The following GPAM variants were observed in gnomAD, a reference collection of about 807,000 sequenced individuals.
GPAM encodes glycerol-3-phosphate acyltransferase, mitochondrial, also known as glycerol-3-phosphate acyltransferase 1, mitochondrial.
In GPAM, 56 loss-of-function variants were observed where a neutral mutation model predicts 105.0. That is an observed-to-expected ratio of 0.53 (90% CI 0.43 to 0.67). GPAM has a LOEUF of 0.67. Ranked by LOEUF, GPAM falls within the 30% of genes least tolerant of loss-of-function variation. The pLI is 0.00. For missense variants in GPAM, 855 were observed against 989.8 expected, an observed-to-expected ratio of 0.86 and a Z score of 1.83; for synonymous variants, 368 against 354.4, an observed-to-expected ratio of 1.04 and a Z score of -0.43.
chr10:112,227,226 C>T, the GPAM span, among the ~76,000 whole-genome samples: 5 of 152,160 alleles, frequency 3.3e-5, no homozygotes, highest in Non-Finnish European at 7.3e-5. Context: ...TCCTGTGGAC[C>T]CTGTCCTGAT....
Position 112,151,771 on chromosome 10 carries a change from T to C in GPAM, c.*1779A>G, listed in dbSNP as rs1720468410. The stretch of plus-strand genomic sequence containing the variant: ...AAAAAGAGACTAGTGAAATGTTTGC[T>C]TCCCCAGATAAGGAACACCCAAGAC... On this transcript the variant is annotated 3_prime_UTR_variant, in exon 22 of 22. Transcript: ENST00000348367. 2.0e-6 allele frequency: 2 copies of C among 984,858 alleles called. No homozygotes were observed. The highest frequency in any genetic ancestry group is 9.4e-5 in the South Asian group (2 of 21,290). 61.0% of individuals were successfully genotyped at this position (984,858 alleles called of 1,614,324 possible). A position where few individuals can be genotyped will look rare whatever the true frequency, so the allele number is the denominator to read the frequency against.
chr10:112,219,647 T>C (rs1848001118), upstream of GPAM, among the ~76,000 whole-genome samples: 3 of 152,376 alleles, frequency 2.0e-5, no homozygotes, highest in Non-Finnish European at 4.4e-5. Flanking sequence ...CTGTCACTTA[T>C]TACATTTTCC....
In GPAM at chr10:112,154,627, A is replaced by C. The variant is rs546061694; in HGVS notation, c.2370+2T>G. 6.3e-7 allele frequency: 1 copy of C among 1,585,580 alleles called. No homozygotes were observed. Among genetic ancestry groups the C allele is most frequent in the Admixed American group, 1.7e-5 (1 of 59,998 alleles). On this transcript the variant is annotated splice_donor_variant, in intron 21 of 21. Coordinates refer to ENST00000348367, the MANE Select transcript of GPAM (RefSeq NM_001244949.2). LOFTEE classifies it high-confidence loss of function. ...TTTATACCATAAATGGTGGACACCT[A>C]CCCCAATATCCTTAAACATTTTCAC...
intron 17 of GPAM, among the ~76,000 whole-genome samples, chr10:112,158,605 G>A (rs1440638533): frequency 6.6e-6 from 1 of 152,076 alleles, no homozygotes; most frequent in Non-Finnish European, 1.5e-5. Flanking sequence ...ACTTAAAGTT[G>A]GCAGAGCACC....
At chr10:112,203,533 G>T (rs956701040) in intron 1 of GPAM, among the ~76,000 whole-genome samples, 16 of 152,070 alleles carry the variant, frequency 1.1e-4, no homozygotes, top group Non-Finnish European at 2.2e-4. Context: ...CTTTTTTCTT[G>T]TCAGTAACAG....
intron 14 of GPAM, among the ~76,000 whole-genome samples, chr10:112,163,172 T>C (rs1265752401): frequency 6.6e-6 from 1 of 152,196 alleles, no homozygotes; most frequent in African/African-American, 2.4e-5. Context: ...CTCACACTCC[T>C]CTCCTCTCTA....
At chr10:112,173,665 G>A (rs1323857408) in intron 7 of GPAM, 34 bp downstream of exon 7, 4 of 1,605,008 alleles carry the variant, frequency 2.5e-6, no homozygotes, top group East Asian at 2.2e-5. Context: ...CAGCATGGCT[G>A]TGATTGAAAG....
intron 1 of GPAM, among the ~76,000 whole-genome samples, chr10:112,197,235 A>G (rs1847734087): frequency 6.6e-6 from 1 of 152,228 alleles, no homozygotes; most frequent in Admixed American, 6.5e-5. Flanking sequence ...TCCCAGAGAT[A>G]AAGTTTCATT....
At chr10:112,174,965 C>A (rs1001803660) in intron 6 of GPAM, among the ~76,000 whole-genome samples, 1 of 152,130 alleles carries the variant, frequency 6.6e-6, no homozygotes, top group Non-Finnish European at 1.5e-5. Flanking sequence ...CTCCCCAAAT[C>A]CAGGTAGATC....
upstream of GPAM, among the ~76,000 whole-genome samples, chr10:112,219,719 C>T (rs1433965554): frequency 1.3e-5 from 2 of 152,110 alleles, no homozygotes; most frequent in African/African-American, 4.8e-5. Context: ...TACATGAAAC[C>T]CCCTTTGCAA....
At chr10:112,226,004 C>T in the GPAM span, among the ~76,000 whole-genome samples, 1 of 152,222 alleles carries the variant, frequency 6.6e-6, no homozygotes, top group African/African-American at 2.4e-5. Context: ...GAGGATCACA[C>T]CATTTTTCCC....
intron 9 of GPAM, among the ~76,000 whole-genome samples, chr10:112,171,294 G>C (rs1301268382): frequency 6.6e-6 from 1 of 152,034 alleles, no homozygotes; most frequent in Non-Finnish European, 1.5e-5. Flanking sequence ...ACTAGCACTG[G>C]GTCTTTAAAT....
rs546749424 is a variant in GPAM, at chr10:112,175,652, G to A, written c.361C>T (p.His121Tyr). 3 of 1,613,086 alleles carry A rather than the reference G, an allele frequency of 1.9e-6. No individual in the cohort carries two copies. In the South Asian group the frequency reaches 3.3e-5, roughly 18 times the overall value. ...YVLFIQERDV[H>Y]KGMFATNVTE... ...ACATTGGTGGCAAACATGCCCTTATGCACATCTCGCTCTTGAATAAAAAGA... is the reference window on the plus strand; with the variant it reads ...ACATTGGTGGCAAACATGCCCTTATACACATCTCGCTCTTGAATAAAAAGA... Residue 121 changes from histidine to tyrosine, a missense_variant, in exon 6 of 22, where the codon CAT (histidine) becomes TAT (tyrosine). Coordinates refer to ENST00000348367, the MANE Select transcript of GPAM (RefSeq NM_001244949.2).
chr10:112,216,071 C>T (rs1247290298), upstream of GPAM, among the ~76,000 whole-genome samples: 3 of 152,132 alleles, frequency 2.0e-5, no homozygotes. Context: ...TAAACACTGT[C>T]AGTCGCTTCC....
Position 112,150,720 on chromosome 10 carries a change from G to C in GPAM, c.*2830C>G. 1 of 978,284 alleles carries C rather than the reference G, an allele frequency of 1.0e-6. No individual in the cohort carries two copies. Among genetic ancestry groups the C allele is most frequent in the Non-Finnish European group, 1.2e-6 (1 of 823,434 alleles). The allele number at this position is 978,284 out of a possible 1,614,324, so 60.6% of individuals were successfully genotyped here. Reference sequence around the variant, plus strand: ...GATGCCAAGCCCTTACTGCGCTAAAGTGCATTGTAAGTTTCCAGGTGCAAA... The same window carrying C: ...GATGCCAAGCCCTTACTGCGCTAAACTGCATTGTAAGTTTCCAGGTGCAAA... On this transcript the variant is annotated 3_prime_UTR_variant, in exon 22 of 22. Coordinates refer to ENST00000348367, the MANE Select transcript of GPAM (RefSeq NM_001244949.2).
chr10:112,192,055 C>G (rs941071700), intron 1 of GPAM, among the ~76,000 whole-genome samples: 1 of 152,138 alleles, frequency 6.6e-6, no homozygotes. Context: ...CTGAGCCGAC[C>G]CAGGGCCTCT....
chr10:112,196,610 C>A (rs931949028), intron 1 of GPAM, among the ~76,000 whole-genome samples: 1 of 152,182 alleles, frequency 6.6e-6, no homozygotes, highest in Non-Finnish European at 1.5e-5. Flanking sequence ...GTAAGCATAG[C>A]AGGATTGGTT....
At chr10:112,160,499 C>T in intron 16 of GPAM, 105 bp downstream of exon 16, 1 of 1,272,128 alleles carries the variant, frequency 7.9e-7, no homozygotes, top group South Asian at 1.3e-5. Flanking sequence ...GCCACATTCC[C>T]TCAAGCAAGG....
At chr10:112,225,069 G>A in the GPAM span, among the ~76,000 whole-genome samples, 1 of 152,134 alleles carries the variant, frequency 6.6e-6, no homozygotes, top group Non-Finnish European at 1.5e-5. Flanking sequence ...GATCCCATGT[G>A]CCAGCCTCAC....
Sources: allele counts gnomAD v4.1 joint callset (sites outside exome capture counted in the v4.1 genomes callset), GRCh38; gene constraint gnomAD v4.1.1; transcripts MANE v1.5; gene names NCBI Gene and HGNC (gene_info 2026-07-23, HGNC 2026-07-21).